The following GALM variants were observed in gnomAD, a reference collection of about 807,000 sequenced individuals.
The protein encoded by GALM is galactose mutarotase.
A neutral mutation model predicts 37.4 loss-of-function variants in GALM; 43 were observed. The observed-to-expected ratio is 1.15, with a 90% CI of 0.90 to 1.48. GALM has a LOEUF of 1.48. GALM is among the 40% of genes most tolerant of loss of function. The pLI, the probability that GALM is intolerant of heterozygous loss-of-function variation, is 0.00. For synonymous variants in GALM, 199 were observed against 170.6 expected (o/e 1.17, Z -1.30); for missense variants, 456 against 419.1 (o/e 1.09, Z -0.77).
At chr2:38,701,586 A>C (rs1217126772) in intron 4 of GALM, among the ~76,000 whole-genome samples, 1 of 152,086 alleles carries the variant, frequency 6.6e-6, no homozygotes, top group African/African-American at 2.4e-5. Flanking sequence ...AAGCAACCCC[A>C]TTTTGACAAA....
At position 38,711,866 on chromosome 2, in the gene GALM, T is replaced by G. The variant is rs115599951; in HGVS notation, c.635-17690T>G. On this transcript the variant is annotated intron_variant, in intron 4 of 6. Transcript: ENST00000272252. ...ATCATCACCACCACCATCATCATCATCATCAACATCATCACTATCTTAAGT... is the reference window on the plus strand; with the variant it reads ...ATCATCACCACCACCATCATCATCAGCATCAACATCATCACTATCTTAAGT... Among the ~76,000 whole-genome samples, 5 of 14,078 alleles carry G rather than the reference T, an allele frequency of 3.6e-4. No individual in the cohort carries two copies. In the East Asian group the frequency reaches 0.018, roughly 50 times the overall value. The allele number at this position is 14,078 out of a possible 152,430, so 9.2% of individuals were successfully genotyped here.
At chr2:38,711,393 T>C (rs1666153793) in intron 4 of GALM, among the ~76,000 whole-genome samples, 1 of 151,956 alleles carries the variant, frequency 6.6e-6, no homozygotes, top group South Asian at 2.1e-4. Context: ...ACTCCCAACC[T>C]CAGGTGATCC....
In GALM at chr2:38,729,570, G is replaced by C; in HGVS notation, c.649G>C (p.Val217Leu). 6.2e-7 allele frequency: 1 copy of C among 1,613,492 alleles called. No individual in the cohort carries two copies. The highest frequency in any genetic ancestry group is 8.5e-7 in the Non-Finnish European group (1 of 1,179,634). The change falls in exon 5 of 7, where the codon GTG (valine) becomes CTG (leucine). Residue 217 changes from valine (V) to leucine (L), a missense_variant. Val to Leu is a conservative substitution (Grantham distance 32). Coordinates refer to ENST00000272252, the MANE Select transcript of GALM (RefSeq NM_138801.3). ...CTTCCCATCAGGAGAAGTTGCCCCA[G>C]TGCAAGGCACTGCATTCGACCTGAG... ...TLIPTGEVAP[V>L]QGTAFDLRKP...
chr2:38,667,833 T>C (rs897355776), intron 1 of GALM, among the ~76,000 whole-genome samples: 6 of 152,024 alleles, frequency 3.9e-5, no homozygotes, highest in African/African-American at 1.4e-4. Flanking sequence ...TGAGACCCCA[T>C]CTCAAAAAAA....
At chr2:38,702,139 T>C (rs1030929156) in intron 4 of GALM, among the ~76,000 whole-genome samples, 5 of 151,978 alleles carry the variant, frequency 3.3e-5, no homozygotes, top group Non-Finnish European at 5.9e-5. Flanking sequence ...GTGGGATCAA[T>C]GAATGAATGA....
intron 2 of GALM, among the ~76,000 whole-genome samples, chr2:38,680,365 T>C (rs1665367653): frequency 6.6e-6 from 1 of 152,202 alleles, no homozygotes; most frequent in Non-Finnish European, 1.5e-5. Flanking sequence ...ATACTTTTTT[T>C]TGCCAGTCTT....
At chr2:38,675,529 T>TTG (rs1665228102) in intron 1 of GALM, among the ~76,000 whole-genome samples, 2 of 76,910 alleles carry the variant, frequency 2.6e-5, no homozygotes, top group Admixed American at 1.4e-4. Context: ...TTTTTTTGTT[T>TTG]TTTTTTTTTT....
At chr2:38,679,173 G>C (rs892631428) in intron 2 of GALM, among the ~76,000 whole-genome samples, 9 of 152,214 alleles carry the variant, frequency 5.9e-5, no homozygotes, top group African/African-American at 1.7e-4. Context: ...TTTTAGTAGA[G>C]ACGAAGTTTC....
Position 38,689,803 on chromosome 2 carries a change from T to C in GALM, c.553-10T>C. The C allele has an allele frequency of 1.3e-6, 2 of 1,555,382 alleles. No homozygotes were observed. The highest frequency in any genetic ancestry group is 1.2e-5 in the South Asian group (1 of 86,684). Reference sequence around the variant, plus strand: ...AAGCAGAAAACCTTTCCCCTACCTTTTCCTCCCAGGCTTCCCCAAATATAA... The same window carrying C: ...AAGCAGAAAACCTTTCCCCTACCTTCTCCTCCCAGGCTTCCCCAAATATAA... On this transcript the variant is annotated splice_polypyrimidine_tract_variant and intron_variant, in intron 3 of 6. Coordinates refer to ENST00000272252, the MANE Select transcript of GALM (RefSeq NM_138801.3).
intron 4 of GALM, among the ~76,000 whole-genome samples, chr2:38,716,302 A>G (rs986975900): frequency 4.6e-5 from 7 of 152,242 alleles, no homozygotes; most frequent in African/African-American, 1.4e-4. Context: ...GAGGAATCAT[A>G]AACAGTCCAG....
At position 38,666,131 on chromosome 2, in the gene GALM, G is replaced by T; in HGVS notation, c.-31G>T. ...TAGCGAGCGCTGGAGTTTGAAGAGC[G>T]GGCAGTGGCTGCACACGCCAAACTT... On this transcript the variant is annotated 5_prime_UTR_variant, in exon 1 of 7. Transcript: ENST00000272252. 1 of 1,583,994 alleles carries T rather than the reference G, an allele frequency of 6.3e-7. No individual in the cohort carries two copies.
chr2:38,710,990 G>A (rs1037677275), intron 4 of GALM, among the ~76,000 whole-genome samples: 14 of 151,788 alleles, frequency 9.2e-5, no homozygotes, highest in Non-Finnish European at 1.5e-4. Flanking sequence ...CTGACTTTAG[G>A]CGATCCACCC....
chr2:38,674,842 G>C (rs1665203020), intron 1 of GALM, among the ~76,000 whole-genome samples: 1 of 152,136 alleles, frequency 6.6e-6, no homozygotes, highest in African/African-American at 2.4e-5. Flanking sequence ...GTCAACTTTG[G>C]ATTGAAAATA....
At chr2:38,684,504 A>T (rs1005196612) in intron 3 of GALM, among the ~76,000 whole-genome samples, 5 of 151,970 alleles carry the variant, frequency 3.3e-5, no homozygotes, top group Admixed American at 2.0e-4. Context: ...GAGATCCCCC[A>T]TCTCTAAAAA....
At chr2:38,727,851 T>C (rs1033204524) in intron 4 of GALM, among the ~76,000 whole-genome samples, 7 of 152,158 alleles carry the variant, frequency 4.6e-5, no homozygotes, top group African/African-American at 1.7e-4. Flanking sequence ...TGACTGGCAA[T>C]TGGTTCTTCT....
At chr2:38,716,010 A>G (rs1326790966) in intron 4 of GALM, among the ~76,000 whole-genome samples, 2 of 152,224 alleles carry the variant, frequency 1.3e-5, no homozygotes, top group Admixed American at 1.3e-4. Flanking sequence ...GCCTGACTCT[A>G]AAATCTGTTC....
At position 38,733,968 on chromosome 2, in the gene GALM, C is replaced by T; in HGVS notation, c.*403C>T. ...CTCCTTCACCTCCAACCACTGTCAGCAGCACTCTGGAGTTTTCAAATGTCA... is the reference window on the plus strand; with the variant it reads ...CTCCTTCACCTCCAACCACTGTCAGTAGCACTCTGGAGTTTTCAAATGTCA... On this transcript the variant is annotated 3_prime_UTR_variant, in exon 7 of 7. Coordinates refer to ENST00000272252, the MANE Select transcript of GALM (RefSeq NM_138801.3). 2 of 290,802 alleles carry T rather than the reference C, an allele frequency of 6.9e-6. No homozygotes were observed. Among genetic ancestry groups the T allele is most frequent in the South Asian group, 7.5e-5 (2 of 26,802 alleles). 18.0% of individuals were successfully genotyped at this position (290,802 alleles called of 1,614,324 possible).
In GALM at chr2:38,704,270, C is replaced by G. The variant is rs1665990914; in HGVS notation, c.634+14376C>G. ...CTGGAGTGCAGTGGTGCAATTATAG[C>G]TCACTGCAGCCTTGGCCTCCTGGGC... On this transcript the variant is annotated intron_variant, in intron 4 of 6. Transcript: ENST00000272252. 5.3e-5 allele frequency among the ~76,000 whole-genome samples: 8 copies of G among 151,830 alleles called. No individual in the cohort carries two copies. In the South Asian group the frequency reaches 1.7e-3, roughly 32 times the overall value.
At chr2:38,724,745 C>T (rs888978638) in intron 4 of GALM, among the ~76,000 whole-genome samples, 2 of 152,174 alleles carry the variant, frequency 1.3e-5, no homozygotes, top group African/African-American at 4.8e-5. Context: ...GCTCTGTGTT[C>T]TATATGGTAG....
Sources: allele counts gnomAD v4.1 joint callset (sites outside exome capture counted in the v4.1 genomes callset), GRCh38; gene constraint gnomAD v4.1.1; transcripts MANE v1.5; gene names NCBI Gene and HGNC (gene_info 2026-07-23, HGNC 2026-07-21).